Variants in RAPGEF2 observed in about 807,000 individuals in gnomAD.
RAPGEF2 encodes the protein Rap guanine nucleotide exchange factor 2.
A neutral mutation model predicts 186.7 loss-of-function variants in RAPGEF2; 54 were observed. The ratio of observed to expected loss-of-function variants is 0.29; its 90% CI spans 0.23 to 0.36. The LOEUF (loss-of-function observed/expected upper bound fraction) is 0.36. RAPGEF2 is among the 10% of genes least tolerant of loss of function. RAPGEF2 has a pLI of 1.00. For missense variants in RAPGEF2, 1,532 were observed against 2,045.0 expected (o/e 0.75, Z 4.84); for synonymous variants, 712 against 705.9 (o/e 1.01, Z -0.14).
At chr4:159,238,095 C>G (rs556285215) in intron 4 of RAPGEF2, among the ~76,000 whole-genome samples, 1 of 151,758 alleles carries the variant, frequency 6.6e-6, no homozygotes, top group Non-Finnish European at 1.5e-5. Flanking sequence ...AGAGCTTCAC[C>G]CAAATTCTCT....
At chr4:159,105,863 T>TGGTAGA (rs551404635) in intron 1 of RAPGEF2, among the ~76,000 whole-genome samples, 1 of 152,252 alleles carries the variant, frequency 6.6e-6, no homozygotes, top group Non-Finnish European at 1.5e-5. Flanking sequence ...CTAGCAAGGC[T>TGGTAGA]GGTCAGAAAA....
chr4:159,329,420 TTGAG>T (rs1230403813), intron 11 of RAPGEF2: 4 of 152,704 alleles, frequency 2.6e-5, no homozygotes, highest in African/African-American at 7.2e-5. Flanking sequence ...ATAGGTATCT[TTGAG>T]TGTCTGTATC....
intron 1 of RAPGEF2, among the ~76,000 whole-genome samples, chr4:159,159,718 TAAC>T (rs1159684865): frequency 4.6e-5 from 7 of 152,048 alleles, no homozygotes; most frequent in Non-Finnish European, 1.0e-4. Flanking sequence ...AAGATTATAA[TAAC>T]AATTCTACAA....
At chr4:159,233,968 A>G (rs562961950) in intron 4 of RAPGEF2, among the ~76,000 whole-genome samples, 46 of 152,182 alleles carry the variant, frequency 3.0e-4, no homozygotes, top group Non-Finnish European at 6.0e-4. Flanking sequence ...GTTCTTTTTC[A>G]AGATTGTCTT....
intron 26 of RAPGEF2, 98 bp from the exon 27 acceptor site, chr4:159,352,587 T>C (rs1354161251): frequency 3.8e-5 from 35 of 932,232 alleles, no homozygotes; most frequent in Non-Finnish European, 5.4e-5. Flanking sequence ...TTAAGAGATA[T>C]CTATGCCTGC....
chr4:159,277,010 G>A (rs554901161), intron 7 of RAPGEF2, among the ~76,000 whole-genome samples: 6 of 151,968 alleles, frequency 3.9e-5, no homozygotes, highest in Non-Finnish European at 5.9e-5. Context: ...TGTCATATTG[G>A]TGTGCTGCAC....
Position 159,202,106 on chromosome 4 carries a change from G to C in RAPGEF2, c.198-8394G>C, listed in dbSNP as rs576346370. ...TCTCAGATAGCTGTGTCGTGTGCTC[G>C]GCTCAGCCACTGTTTCTGGACATTT... On this transcript the variant is annotated intron_variant, in intron 3 of 29. Coordinates refer to ENST00000691494, the MANE Select transcript of RAPGEF2 (RefSeq NM_001394067.2). 4.6e-5 allele frequency among the ~76,000 whole-genome samples: 7 copies of C among 152,254 alleles called. No homozygotes were observed. In the East Asian group the frequency reaches 1.2e-3, roughly 25 times the overall value.
At chr4:159,349,714 AAGGAT>A (rs1387785057) in intron 25 of RAPGEF2, among the ~76,000 whole-genome samples, 53 of 152,162 alleles carry the variant, frequency 3.5e-4, no homozygotes, top group African/African-American at 1.3e-3. Context: ...ACCCCTTTCC[AAGGAT>A]ACAAAACAGT....
At chr4:159,251,884 G>C (rs148515292) in intron 7 of RAPGEF2, among the ~76,000 whole-genome samples, 1 of 151,720 alleles carries the variant, frequency 6.6e-6, no homozygotes, top group Non-Finnish European at 1.5e-5. Flanking sequence ...TTTCCACAGC[G>C]TGGAGTAAAT....
intron 1 of RAPGEF2, among the ~76,000 whole-genome samples, chr4:159,146,956 C>G (rs1033668011): frequency 6.6e-6 from 1 of 152,172 alleles, no homozygotes; most frequent in African/African-American, 2.4e-5. Flanking sequence ...CCTATACATT[C>G]TCTTTTGCTC....
At chr4:159,264,386 A>G (rs1446111814) in intron 7 of RAPGEF2, among the ~76,000 whole-genome samples, 1 of 152,154 alleles carries the variant, frequency 6.6e-6, no homozygotes, top group Admixed American at 6.6e-5. Flanking sequence ...TAAGTCACAC[A>G]TTTTCCAGAG....
intron 3 of RAPGEF2, among the ~76,000 whole-genome samples, chr4:159,195,875 G>GGT (rs1554008089): frequency 9.6e-5 from 9 of 94,228 alleles, no homozygotes; most frequent in African/African-American, 2.4e-4. Context: ...AAACATACCT[G>GGT]TTTTTTTTTT....
chr4:159,254,772 C>G (rs1755939685), intron 7 of RAPGEF2, among the ~76,000 whole-genome samples: 1 of 152,100 alleles, frequency 6.6e-6, no homozygotes, highest in East Asian at 1.9e-4. Context: ...CCACGCCTGG[C>G]TAATTTTTAG....
intron 9 of RAPGEF2, among the ~76,000 whole-genome samples, chr4:159,320,258 C>G (rs955328885): frequency 2.0e-5 from 3 of 152,068 alleles, no homozygotes; most frequent in African/African-American, 7.2e-5. Context: ...AAGGTCAATG[C>G]ATTGGTAAAA....
intron 1 of RAPGEF2, among the ~76,000 whole-genome samples, chr4:159,184,183 A>G (rs1281337323): frequency 6.6e-6 from 1 of 152,170 alleles, no homozygotes; most frequent in African/African-American, 2.4e-5. Context: ...GCTATTGTGA[A>G]TAGTGCCGCA....
Position 159,331,909 on chromosome 4 carries a change from T to C in RAPGEF2, c.1780-17T>C. On this transcript the variant is annotated splice_polypyrimidine_tract_variant and intron_variant, in intron 15 of 29. Coordinates refer to ENST00000691494, the MANE Select transcript of RAPGEF2 (RefSeq NM_001394067.2). ...TTTTTCAGTCAATTTTGATACATTT[T>C]ATAATTTCATTTTTAGATATTAGAA... 1 of 1,592,040 alleles carries C rather than the reference T, an allele frequency of 6.3e-7. No homozygotes were observed. The highest frequency in any genetic ancestry group is 8.5e-7 in the Non-Finnish European group (1 of 1,171,840).
At chr4:159,309,478 A>G (rs1381565880) in intron 8 of RAPGEF2, among the ~76,000 whole-genome samples, 1 of 152,204 alleles carries the variant, frequency 6.6e-6, no homozygotes. Context: ...GAATGAATGT[A>G]ATTGAAATAA....
At chr4:159,347,111 T>A in intron 25 of RAPGEF2, 113 bp downstream of exon 25, 2 of 1,007,522 alleles carry the variant, frequency 2.0e-6, no homozygotes, top group Non-Finnish European at 2.9e-6. Flanking sequence ...AGTTTCTCTG[T>A]AATTATTAGC....
intron 7 of RAPGEF2, among the ~76,000 whole-genome samples, chr4:159,278,877 A>G (rs1246143044): frequency 6.6e-6 from 1 of 152,234 alleles, no homozygotes; most frequent in East Asian, 1.9e-4. Context: ...ATATTTTTGT[A>G]GGAAGTTTTT....
Sources: allele counts gnomAD v4.1 joint callset (sites outside exome capture counted in the v4.1 genomes callset), GRCh38; gene constraint gnomAD v4.1.1; transcripts MANE v1.5; gene names NCBI Gene and HGNC (gene_info 2026-07-23, HGNC 2026-07-21).